LINGO2: variants seen among roughly 807,000 people sequenced by gnomAD.
The protein encoded by LINGO2 is leucine rich repeat and Ig domain containing 2, also known as leucine-rich repeat and immunoglobulin-like domain-containing nogo receptor-interacting protein 2.
In LINGO2, 14 loss-of-function variants were observed where a neutral mutation model predicts 30.6. The ratio of observed to expected loss-of-function variants is 0.46; its 90% CI spans 0.30 to 0.72. LINGO2 has a LOEUF of 0.72. LINGO2 is among the 30% of genes least tolerant of loss of function. The probability of loss-of-function intolerance (pLI) is 0.07; values close to 1 mark genes in which losing one functional copy is unlikely to be tolerated. For missense variants in LINGO2, 729 were observed against 751.7 expected (o/e 0.97, Z 0.35); for synonymous variants, 317 against 288.5 (o/e 1.10, Z -1.00).
the LINGO2 span, among the ~76,000 whole-genome samples, chr9:28,890,489 T>TA: frequency 6.6e-6 from 1 of 152,056 alleles, no homozygotes; most frequent in Non-Finnish European, 1.5e-5. Context: ...CAGCCTCAAC[T>TA]ACTCTGAATT....
intron 4 of LINGO2, among the ~76,000 whole-genome samples, chr9:28,208,952 T>A (rs1401052513): frequency 6.6e-6 from 1 of 152,064 alleles, no homozygotes; most frequent in Admixed American, 6.6e-5. Flanking sequence ...AACTCTCTTC[T>A]TTGTCCTTTC....
the LINGO2 span, among the ~76,000 whole-genome samples, chr9:29,010,610 A>C: frequency 1.3e-5 from 2 of 152,230 alleles, no homozygotes; most frequent in Non-Finnish European, 2.9e-5. Flanking sequence ...AAAATACAAC[A>C]TCAATTTTTT....
At chr9:29,061,262 A>G in the LINGO2 span, among the ~76,000 whole-genome samples, 1 of 152,044 alleles carries the variant, frequency 6.6e-6, no homozygotes, top group Admixed American at 6.6e-5. Flanking sequence ...TATAGGATCA[A>G]TACTATCCAA....
At chr9:28,220,430 A>AGCAC (rs1295780140) in intron 4 of LINGO2, among the ~76,000 whole-genome samples, 1 of 152,184 alleles carries the variant, frequency 6.6e-6, no homozygotes, top group East Asian at 1.9e-4. Context: ...GGGTACCAGG[A>AGCAC]GCACACAGTA....
chr9:28,498,439 G>A (rs1819746815), intron 1 of LINGO2, among the ~76,000 whole-genome samples: 1 of 152,172 alleles, frequency 6.6e-6, no homozygotes, highest in African/African-American at 2.4e-5. Flanking sequence ...GCTTCTGTGG[G>A]CATGGGTCCC....
chr9:28,795,133 C>T, the LINGO2 span, among the ~76,000 whole-genome samples: 1 of 152,040 alleles, frequency 6.6e-6, no homozygotes, highest in East Asian at 1.9e-4. Context: ...CACGGCTGGC[C>T]AGGAATGATA....
At chr9:28,710,671 C>A in the LINGO2 span, among the ~76,000 whole-genome samples, 1 of 152,050 alleles carries the variant, frequency 6.6e-6, no homozygotes, top group African/African-American at 2.4e-5. Flanking sequence ...ACACCTTTCA[C>A]ATCTTAGCTA....
At chr9:28,668,911 C>G (rs965290710) in intron 1 of LINGO2, among the ~76,000 whole-genome samples, 1 of 151,980 alleles carries the variant, frequency 6.6e-6, no homozygotes, top group Non-Finnish European at 1.5e-5. Flanking sequence ...TAGTTATTAT[C>G]TCATCCAAGT....
chr9:28,090,876 C>A (rs1419397260), intron 4 of LINGO2, among the ~76,000 whole-genome samples: 10 of 152,176 alleles, frequency 6.6e-5, no homozygotes, highest in Non-Finnish European at 1.3e-4. Flanking sequence ...TCTCAGGATA[C>A]AAAATCAATG....
At chr9:28,560,866 G>A (rs1439785255) in intron 1 of LINGO2, among the ~76,000 whole-genome samples, 1 of 151,694 alleles carries the variant, frequency 6.6e-6, no homozygotes, top group Non-Finnish European at 1.5e-5. Flanking sequence ...GTAGAGATGG[G>A]GTTTCTCCAA....
At chr9:28,899,809 G>A in the LINGO2 span, among the ~76,000 whole-genome samples, 3 of 152,166 alleles carry the variant, frequency 2.0e-5, no homozygotes, top group Non-Finnish European at 4.4e-5. Flanking sequence ...CCTGCTCAGG[G>A]CCAGGCTGTT....
chr9:29,015,020 T>A, the LINGO2 span, among the ~76,000 whole-genome samples: 1 of 152,182 alleles, frequency 6.6e-6, no homozygotes, highest in Non-Finnish European at 1.5e-5. Flanking sequence ...TTAAGGATGA[T>A]TCTCTGGTTT....
chr9:28,755,967 T>A, the LINGO2 span, among the ~76,000 whole-genome samples: 1 of 152,108 alleles, frequency 6.6e-6, no homozygotes, highest in Non-Finnish European at 1.5e-5. Context: ...AATTTAATTC[T>A]AATATATTTG....
At chr9:29,164,808 A>T in the LINGO2 span, among the ~76,000 whole-genome samples, 7 of 152,146 alleles carry the variant, frequency 4.6e-5, no homozygotes, top group Admixed American at 2.6e-4. Context: ...ATGAAATAAG[A>T]TTCCATAATT....
chr9:28,084,010 C>T (rs549068906), intron 4 of LINGO2, among the ~76,000 whole-genome samples: 1 of 152,192 alleles, frequency 6.6e-6, no homozygotes, highest in African/African-American at 2.4e-5. Context: ...CTGTGTTTTG[C>T]ATATCCTCCT....
chr9:28,347,084 A>G (rs985081164), intron 3 of LINGO2, among the ~76,000 whole-genome samples: 3 of 152,156 alleles, frequency 2.0e-5, no homozygotes, highest in Non-Finnish European at 2.9e-5. Flanking sequence ...CAGATACAAA[A>G]TATGTTTTAT....
chr9:28,433,949 C>CTCTATATATATATA (rs1225323260), intron 2 of LINGO2, among the ~76,000 whole-genome samples: 16 of 88,544 alleles, frequency 1.8e-4, no homozygotes, highest in African/African-American at 7.2e-4. Flanking sequence ...CTCTCTCTCT[C>CTCTATATATATATA]TATATATATA....
At chr9:28,454,810 A>G (rs1481463616) in intron 2 of LINGO2, among the ~76,000 whole-genome samples, 2 of 152,046 alleles carry the variant, frequency 1.3e-5, no homozygotes, top group Non-Finnish European at 2.9e-5. Flanking sequence ...ATAAAGGATG[A>G]CAAACATTTC....
chr9:28,082,487 C>T (rs1360235070), intron 4 of LINGO2, among the ~76,000 whole-genome samples: 1 of 151,908 alleles, frequency 6.6e-6, no homozygotes, highest in African/African-American at 2.4e-5. Context: ...TTTTACAAAG[C>T]TGTGAGTATG....
Sources: allele counts gnomAD v4.1 joint callset (sites outside exome capture counted in the v4.1 genomes callset), GRCh38; gene constraint gnomAD v4.1.1; transcripts MANE v1.5; gene names NCBI Gene and HGNC (gene_info 2026-07-23, HGNC 2026-07-21).